Variants in SPRED2 observed in about 807,000 individuals in gnomAD.
SPRED2 encodes sprouty-related, EVH1 domain-containing protein 2.
Under a neutral mutation model 43.0 loss-of-function variants are expected in SPRED2, and 47 were observed. The observed-to-expected ratio is 1.09, with a 90% CI of 0.87 to 1.40. The LOEUF is 1.40. Ranked by LOEUF, SPRED2 falls within the 40% of genes most tolerant of loss-of-function variation. The probability of loss-of-function intolerance (pLI) is 0.00; values close to 1 mark genes in which losing one functional copy is unlikely to be tolerated. For synonymous variants in SPRED2, 225 were observed against 225.7 expected, an observed-to-expected ratio of 1.00 and a Z score of 0.03; for missense variants, 561 against 586.4, an observed-to-expected ratio of 0.96 and a Z score of 0.45.
chr2:65,425,262 C>A (rs944335556), intron 1 of SPRED2, among the ~76,000 whole-genome samples: 1 of 152,134 alleles, frequency 6.6e-6, no homozygotes, highest in Non-Finnish European at 1.5e-5. Flanking sequence ...CACAGAGGAG[C>A]CAAAACCATA....
intron 1 of SPRED2, among the ~76,000 whole-genome samples, chr2:65,423,395 C>T (rs1364551758): frequency 6.6e-6 from 1 of 152,202 alleles, no homozygotes; most frequent in African/African-American, 2.4e-5. Context: ...TCAAAAAGCA[C>T]AGCCAACTGG....
At chr2:65,371,987 C>T (rs888006350) in intron 1 of SPRED2, among the ~76,000 whole-genome samples, 11 of 152,056 alleles carry the variant, frequency 7.2e-5, no homozygotes, top group Non-Finnish European at 1.3e-4. Context: ...GCAGGAGAAT[C>T]GTTTGAGCCC....
intron 2 of SPRED2, among the ~76,000 whole-genome samples, chr2:65,338,237 TC>T (rs1674034628): frequency 1.5e-5 from 1 of 65,906 alleles, no homozygotes; most frequent in African/African-American, 8.4e-5. Flanking sequence ...CTCTCCCGTC[TC>T]CCTCTCCCGT....
rs182442107 is a variant in SPRED2, at chr2:65,344,710, T to C, written c.204+9A>G. 173 of 1,613,400 alleles carry C rather than the reference T, an allele frequency of 1.1e-4. 1 individual carries two copies. The East Asian group carries it at 2.6e-3, about 25-fold the overall frequency. On this transcript the variant is annotated intron_variant, in intron 2 of 5. Coordinates refer to ENST00000356388, the MANE Select transcript of SPRED2 (RefSeq NM_181784.3). ...TAATTTAACCCACGAGTTGTATGTCTGCCATTACCAGTTTGTCTTTCTGTC... is the reference window on the plus strand; with the variant it reads ...TAATTTAACCCACGAGTTGTATGTCCGCCATTACCAGTTTGTCTTTCTGTC...
At chr2:65,404,030 C>T (rs1471252887) in intron 1 of SPRED2, among the ~76,000 whole-genome samples, 1 of 152,002 alleles carries the variant, frequency 6.6e-6, no homozygotes, top group Non-Finnish European at 1.5e-5. Context: ...CATGGTGAAA[C>T]CCCGTCTCTA....
chr2:65,366,757 A>T, intron 1 of SPRED2: 1 of 1,463,242 alleles, frequency 6.8e-7, no homozygotes, highest in Non-Finnish European at 9.0e-7. Context: ...CTCCTTGACA[A>T]ATATACTGCA....
intron 4 of SPRED2, among the ~76,000 whole-genome samples, chr2:65,326,055 C>A (rs1673604425): frequency 6.6e-6 from 1 of 152,000 alleles, no homozygotes; most frequent in Non-Finnish European, 1.5e-5. Context: ...GATGCTGCTG[C>A]TATTTTGAAT....
chr2:65,336,979 G>A (rs1036675534), intron 2 of SPRED2, among the ~76,000 whole-genome samples: 3 of 152,142 alleles, frequency 2.0e-5, no homozygotes, highest in Non-Finnish European at 2.9e-5. Context: ...ATGGTGGCGG[G>A]CACCTGTAGT....
At chr2:65,391,621 C>G (rs1318009445) in intron 1 of SPRED2, among the ~76,000 whole-genome samples, 1 of 152,188 alleles carries the variant, frequency 6.6e-6, no homozygotes, top group Non-Finnish European at 1.5e-5. Context: ...AACAGTTTCA[C>G]TCACAAAACT....
At position 65,313,384 on chromosome 2, in the gene SPRED2, G is replaced by A; in HGVS notation, c.*117C>T. 1 of 1,499,122 alleles carries A rather than the reference G, an allele frequency of 6.7e-7. No individual in the cohort carries two copies. Among genetic ancestry groups the A allele is most frequent in the South Asian group, 1.4e-5 (1 of 73,988 alleles). The allele number at this position is 1,499,122 out of a possible 1,614,324, so 92.9% of individuals were successfully genotyped here. ...GTGCCTCGAGGTACCAGGGAGCTGG[G>A]AGGCCGCTTGCCCTCCTCGCTCCTT... On this transcript the variant is annotated 3_prime_UTR_variant, in exon 6 of 6. Coordinates refer to ENST00000356388, the MANE Select transcript of SPRED2 (RefSeq NM_181784.3).
chr2:65,405,235 GTACTT>G (rs1675995924), intron 1 of SPRED2, among the ~76,000 whole-genome samples: 1 of 152,164 alleles, frequency 6.6e-6, no homozygotes, highest in African/African-American at 2.4e-5. Context: ...CCTTCTTATG[GTACTT>G]TCCACCTTGG....
intron 2 of SPRED2, among the ~76,000 whole-genome samples, chr2:65,337,118 T>A (rs373572711): frequency 5.7e-4 from 86 of 151,572 alleles, no homozygotes; most frequent in Non-Finnish European, 8.6e-4. Context: ...AAAAAAAAAA[T>A]AAAGTTTGAG....
rs549864952 is a variant in SPRED2, at chr2:65,313,851, C to A, written c.907G>T (p.Asp303Tyr). The A allele has an allele frequency of 2.5e-6, 4 of 1,611,356 alleles. No homozygotes were observed. The highest frequency in any genetic ancestry group is 1.1e-5 in the South Asian group (1 of 91,054). The change falls in exon 6 of 6, where the codon GAC becomes TAC. Residue 303 changes from aspartate (D) to tyrosine (Y), a missense_variant. Coordinates refer to ENST00000356388, the MANE Select transcript of SPRED2 (RefSeq NM_181784.3). ...SRGKSRRRKE[D>Y]GERSRCVYCR... ...TACACGCACCGCGAGCGCTCTCCGT[C>A]CTCCTTCCGCCGCCGCGACTTGCCC...
downstream of SPRED2, chr2:65,310,779 G>C (rs551939416): frequency 3.0e-5 from 23 of 774,050 alleles, no homozygotes; most frequent in Non-Finnish European, 3.3e-5. Flanking sequence ...TCCTGTATGC[G>C]GGAACTCCAA....
At chr2:65,344,679 TGTTACTAATTTAA>T in intron 2 of SPRED2, 27 bp downstream of exon 2, 1 of 1,607,626 alleles carries the variant, frequency 6.2e-7, no homozygotes, top group Non-Finnish European at 8.5e-7. Flanking sequence ...AGAAAGCAGT[TGTTACTAATTTAA>T]CCCACGAGTT....
chr2:65,422,831 G>A (rs1381110849), intron 1 of SPRED2, among the ~76,000 whole-genome samples: 1 of 152,110 alleles, frequency 6.6e-6, no homozygotes, highest in African/African-American at 2.4e-5. Flanking sequence ...CAATGAGAAG[G>A]CAACCAATTA....
intron 1 of SPRED2, among the ~76,000 whole-genome samples, chr2:65,407,589 C>CT (rs1325039498): frequency 6.6e-6 from 1 of 152,208 alleles, no homozygotes; most frequent in African/African-American, 2.4e-5. Context: ...ATGTCAATGA[C>CT]TGTCATGCAC....
intron 1 of SPRED2, among the ~76,000 whole-genome samples, chr2:65,400,501 C>A (rs912296372): frequency 6.6e-6 from 1 of 152,164 alleles, no homozygotes; most frequent in African/African-American, 2.4e-5. Context: ...CATCCCCCAT[C>A]TTTTTTATCC....
chr2:65,318,501 G>A (rs1474869833), intron 4 of SPRED2, among the ~76,000 whole-genome samples: 1 of 151,088 alleles, frequency 6.6e-6, no homozygotes, highest in Non-Finnish European at 1.5e-5. Context: ...TGCTTAGAGT[G>A]ACATATCTCT....
Sources: allele counts gnomAD v4.1 joint callset (sites outside exome capture counted in the v4.1 genomes callset), GRCh38; gene constraint gnomAD v4.1.1; transcripts MANE v1.5; gene names NCBI Gene and HGNC (gene_info 2026-07-23, HGNC 2026-07-21).